KPNA7: variants seen among roughly 807,000 people sequenced by gnomAD.
KPNA7 encodes the protein importin subunit alpha-8.
A neutral mutation model predicts 53.7 loss-of-function variants in KPNA7; 54 were observed. That is an observed-to-expected ratio of 1.01 (90% confidence interval 0.81 to 1.26). The LOEUF (loss-of-function observed/expected upper bound fraction) is 1.26. Among genes scored for constraint, KPNA7 ranks in the 50% most tolerant of loss-of-function variants. The pLI, the probability that KPNA7 is intolerant of heterozygous loss-of-function variation, is 0.00. For missense variants in KPNA7, 640 were observed against 644.5 expected (o/e 0.99, Z 0.07); for synonymous variants, 276 against 259.3 (o/e 1.06, Z -0.62).
intron 1 of KPNA7, among the ~76,000 whole-genome samples, chr7:99,213,130 A>AT (rs71108433): frequency 0.13 from 18,423 of 141,022 alleles, 1,291 homozygotes; most frequent in East Asian, 0.21. Flanking sequence ...GCCAAAAGGG[A>AT]TTTTTTTTTT....
At chr7:99,160,017 G>GGT in the KPNA7 span, among the ~76,000 whole-genome samples, 2 of 67,660 alleles carry the variant, frequency 3.0e-5, no homozygotes, top group African/African-American at 5.8e-5. Flanking sequence ...TGTTGTTTTT[G>GGT]TTTTTTTTTT....
Position 99,196,065 on chromosome 7 carries a change from G to C in KPNA7, c.284+19C>G, listed in dbSNP as rs891025090. On this transcript the variant is annotated intron_variant, in intron 4 of 10. Transcript: ENST00000327442. Reference sequence around the variant, plus strand: ...TGCTAACTATGAACCTGCAACAGCAGAAGTCTGTTTGGAGATACCTGGCTG... The same window carrying C: ...TGCTAACTATGAACCTGCAACAGCACAAGTCTGTTTGGAGATACCTGGCTG... The C allele has an allele frequency of 6.5e-7, 1 of 1,545,412 alleles. No individual in the cohort carries two copies. The highest frequency in any genetic ancestry group is 8.8e-7 in the Non-Finnish European group (1 of 1,141,280).
intron 6 of KPNA7, among the ~76,000 whole-genome samples, chr7:99,191,938 C>T (rs964116130): frequency 2.0e-5 from 3 of 152,202 alleles, no homozygotes; most frequent in Non-Finnish European, 4.4e-5. Flanking sequence ...GTGTGAGCCA[C>T]GGTTCCCAGA....
chr7:99,201,490 C>T (rs897493213), intron 3 of KPNA7, among the ~76,000 whole-genome samples: 20 of 151,744 alleles, frequency 1.3e-4, no homozygotes, highest in Non-Finnish European at 2.8e-4. Context: ...GGTAAAAAAC[C>T]GTCTCTACTA....
At chr7:99,214,904 C>T (rs1791177122) in intron 1 of KPNA7, among the ~76,000 whole-genome samples, 1 of 152,092 alleles carries the variant, frequency 6.6e-6, no homozygotes, top group African/African-American at 2.4e-5. Flanking sequence ...TGTTGCTACG[C>T]TTCACATGTT....
At chr7:99,160,137 G>A in the KPNA7 span, among the ~76,000 whole-genome samples, 1 of 142,876 alleles carries the variant, frequency 7.0e-6, no homozygotes, top group South Asian at 2.2e-4. Flanking sequence ...TCATTCTCCT[G>A]CCTCAGCCTC....
the KPNA7 span, among the ~76,000 whole-genome samples, chr7:99,153,625 C>T: frequency 9.2e-5 from 14 of 151,378 alleles, no homozygotes; most frequent in African/African-American, 3.2e-4. Context: ...TGGTTTCCTT[C>T]GTATATTTAC....
chr7:99,215,540 C>T (rs1405980893), intron 1 of KPNA7, among the ~76,000 whole-genome samples: 1 of 152,020 alleles, frequency 6.6e-6, no homozygotes, highest in Non-Finnish European at 1.5e-5. Flanking sequence ...TAGCAGATCA[C>T]TTCGTGTAGG....
In KPNA7 at chr7:99,196,081, T is replaced by C. The variant is rs971567144; in HGVS notation, c.284+3A>G. The C allele has an allele frequency of 3.2e-6, 5 of 1,550,904 alleles. No homozygotes were observed. In the East Asian group the frequency reaches 9.8e-5, roughly 30 times the overall value. On this transcript the variant is annotated splice_donor_region_variant and intron_variant, in intron 4 of 10. Transcript: ENST00000327442. ...GCAACAGCAGAAGTCTGTTTGGAGA[T>C]ACCTGGCTGTCTGGGTGGCCTGGAA...
upstream of KPNA7, among the ~76,000 whole-genome samples, chr7:99,210,195 G>A (rs913473141): frequency 2.6e-5 from 4 of 152,136 alleles, no homozygotes; most frequent in Non-Finnish European, 5.9e-5. Context: ...TCATTATCAA[G>A]TGTTCCAGGT....
At chr7:99,203,323 C>G in intron 2 of KPNA7, 83 bp from the exon 3 acceptor site, 1 of 1,408,944 alleles carries the variant, frequency 7.1e-7, no homozygotes, top group Non-Finnish European at 9.7e-7. Context: ...TCAAAGCATC[C>G]AATTTCATTT....
the KPNA7 span, among the ~76,000 whole-genome samples, chr7:99,161,108 C>A: frequency 6.6e-6 from 1 of 152,184 alleles, no homozygotes; most frequent in Non-Finnish European, 1.5e-5. Context: ...GTGACGTGCT[C>A]ACCTCAGCCT....
At chr7:99,178,477 A>G (rs966934147) in intron 9 of KPNA7, among the ~76,000 whole-genome samples, 6 of 152,038 alleles carry the variant, frequency 3.9e-5, no homozygotes, top group Non-Finnish European at 5.9e-5. Context: ...GCTGAGGCAC[A>G]AGAATTGCTT....
rs575469192 is a variant in KPNA7 at position 99,216,689 on chromosome 7, G to A, written c.-23-9200C>T. Reference sequence around the variant, plus strand: ...CAATTCTCCTGCCTCAGCCCCCTGAGTAGCTGGGATTACGGGCATGCGCCA... The same window carrying A: ...CAATTCTCCTGCCTCAGCCCCCTGAATAGCTGGGATTACGGGCATGCGCCA... On this transcript the variant is annotated intron_variant, in intron 1 of 10. Transcript: ENST00000681060. 5.3e-5 allele frequency among the ~76,000 whole-genome samples: 8 copies of A among 152,348 alleles called. No homozygotes were observed. The East Asian group carries it at 1.5e-3, about 29-fold the overall frequency.
the KPNA7 span, among the ~76,000 whole-genome samples, chr7:99,161,217 C>T: frequency 1.6e-5 from 2 of 127,236 alleles, no homozygotes; most frequent in African/African-American, 5.7e-5. Context: ...CTCCCATGTA[C>T]ACAAACTCTC....
chr7:99,163,470 C>A, the KPNA7 span, among the ~76,000 whole-genome samples: 1 of 130,734 alleles, frequency 7.6e-6, no homozygotes, highest in Non-Finnish European at 1.5e-5. Flanking sequence ...CTCACTGTAA[C>A]CTTGAACTCC....
At chr7:99,175,031 G>A (rs185454454) in intron 10 of KPNA7, among the ~76,000 whole-genome samples, 9 of 151,950 alleles carry the variant, frequency 5.9e-5, no homozygotes, top group African/African-American at 2.2e-4. Context: ...GGCTGGTCTC[G>A]AACTCCTGAC....
Position 99,205,410 on chromosome 7 carries a change from CAAAAAAAAAAAA to C in KPNA7, c.66+1979_66+1990del, listed in dbSNP as rs61410237. Among the ~76,000 whole-genome samples, 788 of 109,814 alleles carry C rather than the reference CAAAAAAAAAAAA, an allele frequency of 7.2e-3. 15 individuals are homozygous for C. Among genetic ancestry groups the C allele is most frequent in the African/African-American group, 0.032 (756 of 23,296 alleles). The allele number at this position is 109,814 out of a possible 152,430, so 72.0% of individuals were successfully genotyped here. On this transcript the variant is annotated intron_variant, in intron 2 of 10. Transcript: ENST00000327442. The stretch of plus-strand genomic sequence containing the variant: ...CTGGTGACAGAGCAAGACTCCATCT[CAAAAAAAAAAAA>C]AAAAAAAAAAAAAGTGATTTTGTTC...
intron 5 of KPNA7, among the ~76,000 whole-genome samples, chr7:99,193,769 C>T (rs1790087902): frequency 6.6e-6 from 1 of 151,978 alleles, no homozygotes. Context: ...CCTCGACCTC[C>T]AGAACTCAAG....
Sources: allele counts gnomAD v4.1 joint callset (sites outside exome capture counted in the v4.1 genomes callset), GRCh38; gene constraint gnomAD v4.1.1; transcripts MANE v1.5; gene names NCBI Gene and HGNC (gene_info 2026-07-23, HGNC 2026-07-21).